The following ICAM2 variants were observed in gnomAD, a reference collection of about 807,000 sequenced individuals.
The protein encoded by ICAM2 is intercellular adhesion molecule 2, also known as ICAM-2.
Under a neutral mutation model 19.1 loss-of-function variants are expected in ICAM2, and 14 were observed. That is an observed-to-expected ratio of 0.73 (90% CI 0.48 to 1.15). ICAM2 has a LOEUF of 1.15. ICAM2 is among the 50% of genes most tolerant of loss of function. The pLI, the probability that ICAM2 is intolerant of heterozygous loss-of-function variation, is 0.00. For missense variants in ICAM2, 311 were observed against 355.4 expected (o/e 0.88, Z 1.00); for synonymous variants, 153 against 152.7 (o/e 1.00, Z -0.01).
intron 1 of ICAM2, among the ~76,000 whole-genome samples, chr17:64,008,713 C>T (rs750692184): frequency 2.6e-5 from 4 of 152,278 alleles, no homozygotes; most frequent in Non-Finnish European, 5.9e-5. Flanking sequence ...TCCCAGGAGA[C>T]CCTCAAGAGG....
intron 1 of ICAM2, among the ~76,000 whole-genome samples, chr17:64,018,671 GCTGT>G (rs1567851139): frequency 6.8e-6 from 1 of 147,572 alleles, no homozygotes; most frequent in African/African-American, 2.5e-5. Flanking sequence ...CCCTAGAAAC[GCTGT>G]CACACTAAGA....
In ICAM2 at chr17:64,002,931, G is replaced by A; in HGVS notation, c.650-6C>T. ...CTGGCTGTCCGACACAGGCTCTGGG[G>A]AGGGAGGGGGCAAGGGTCTTAGACG... On this transcript the variant is annotated splice_polypyrimidine_tract_variant and splice_region_variant and intron_variant, in intron 4 of 4. Transcript: ENST00000579788. 3 of 1,612,686 alleles carry A rather than the reference G, an allele frequency of 1.9e-6. No individual in the cohort carries two copies. Among genetic ancestry groups the A allele is most frequent in the Non-Finnish European group, 2.5e-6 (3 of 1,179,210 alleles).
intron 1 of ICAM2, among the ~76,000 whole-genome samples, chr17:64,018,671 G>T (rs1167290815): frequency 1.4e-5 from 2 of 147,572 alleles, no homozygotes; most frequent in Non-Finnish European, 3.0e-5. Context: ...CCCTAGAAAC[G>T]CTGTCACACT....
chr17:64,016,742 C>T (rs1484046404), intron 1 of ICAM2, among the ~76,000 whole-genome samples: 4 of 152,202 alleles, frequency 2.6e-5, no homozygotes, highest in East Asian at 1.9e-4. Context: ...TTTCCCTGCT[C>T]CTTCACCCCC....
At chr17:64,003,023 C>A in intron 4 of ICAM2, 98 bp from the exon 5 acceptor site, 1 of 1,063,578 alleles carries the variant, frequency 9.4e-7, no homozygotes, top group Non-Finnish European at 1.4e-6. Context: ...GACCCCCAGA[C>A]CCCGCCGCCC....
At chr17:64,018,459 A>G (rs1416297071) in intron 1 of ICAM2, among the ~76,000 whole-genome samples, 1 of 151,760 alleles carries the variant, frequency 6.6e-6, no homozygotes, top group East Asian at 1.9e-4. Context: ...TTACAATGGG[A>G]CCGATACTAT....
At chr17:64,004,793 G>A (rs561501350) in intron 3 of ICAM2, 7 of 457,780 alleles carry the variant, frequency 1.5e-5, no homozygotes, top group South Asian at 1.5e-4. Flanking sequence ...CCCACTACTT[G>A]GCATGGGACA....
intron 1 of ICAM2, among the ~76,000 whole-genome samples, chr17:64,018,081 G>A (rs1363865137): frequency 6.6e-6 from 1 of 151,976 alleles, no homozygotes; most frequent in Non-Finnish European, 1.5e-5. Flanking sequence ...CGGCTGTGAC[G>A]CCAGCACTTT....
chr17:64,018,066 G>A (rs1911782603), intron 1 of ICAM2, among the ~76,000 whole-genome samples: 1 of 151,952 alleles, frequency 6.6e-6, no homozygotes, highest in Non-Finnish European at 1.5e-5. Context: ...GAAACAGGTC[G>A]GGTGCGGCTG....
chr17:64,005,415 C>T (rs940380442), intron 2 of ICAM2, 42 bp from the exon 3 acceptor site: 1 of 1,592,084 alleles, frequency 6.3e-7, no homozygotes, highest in Non-Finnish European at 8.6e-7. Flanking sequence ...CATCCCCCCA[C>T]CCCCTGCCCT....
chr17:64,011,561 C>T (rs943742739), intron 1 of ICAM2, among the ~76,000 whole-genome samples: 1 of 152,106 alleles, frequency 6.6e-6, no homozygotes, highest in Non-Finnish European at 1.5e-5. Flanking sequence ...TGAGATATCA[C>T]TTCACACCTG....
At chr17:64,003,008 A>C in intron 4 of ICAM2, 83 bp from the exon 5 acceptor site, 2 of 1,348,614 alleles carry the variant, frequency 1.5e-6, no homozygotes, top group Non-Finnish European at 2.0e-6. Context: ...TCCACCCCCA[A>C]CCCAGACCCC....
chr17:64,007,999 C>A (rs1002406538), intron 1 of ICAM2, among the ~76,000 whole-genome samples: 4 of 152,096 alleles, frequency 2.6e-5, no homozygotes, highest in Non-Finnish European at 5.9e-5. Context: ...CCTGATGGGG[C>A]CTTTCCAAAG....
chr17:64,017,570 G>A (rs975302751), intron 1 of ICAM2, among the ~76,000 whole-genome samples: 6 of 152,108 alleles, frequency 3.9e-5, no homozygotes, highest in Non-Finnish European at 8.8e-5. Context: ...CCCCAGTAGG[G>A]TTTTTCATGG....
Position 64,002,924 on chromosome 17 carries a change from C to A in ICAM2, c.651G>T (p.Glu217Asp), listed in dbSNP as rs755716381. Residue 217 changes from glutamate (E) to aspartate (D), a missense_variant and splice_region_variant, in exon 5 of 5, where the codon GAG (glutamate) becomes GAT (aspartate). Physicochemically the swap from Glu to Asp is conservative, Grantham distance 45. Transcript: ENST00000579788. ...HSAPKMLEIYEPVSDSQMVII... is the reference protein window; with the variant it reads ...HSAPKMLEIYDPVSDSQMVII... ...TGACCATCTGGCTGTCCGACACAGG[C>A]TCTGGGGAGGGAGGGGGCAAGGGTC... is the stretch of plus-strand genomic sequence containing the variant. 2 of 1,612,150 alleles carry A rather than the reference C, an allele frequency of 1.2e-6. No homozygotes were observed. The highest frequency in any genetic ancestry group is 2.7e-5 in the African/African-American group (2 of 74,700).
intron 1 of ICAM2, among the ~76,000 whole-genome samples, chr17:64,018,051 A>G (rs1911782169): frequency 6.6e-6 from 1 of 152,192 alleles, no homozygotes; most frequent in Non-Finnish European, 1.5e-5. Context: ...TGACTAAGAT[A>G]CAAAGAAACA....
intron 1 of ICAM2, among the ~76,000 whole-genome samples, chr17:64,014,676 AGAAAGGAAGGAAGGAAGGAAGG>A (rs1911629846): frequency 1.4e-5 from 1 of 71,676 alleles, no homozygotes; most frequent in South Asian, 6.1e-4. Context: ...AGAGAAAGAA[AGAAAGGAAGGAAGGAAGGAAGG>A]AAGGAAGGAA....
intron 1 of ICAM2, among the ~76,000 whole-genome samples, chr17:64,016,243 G>A (rs574082439): frequency 6.6e-6 from 1 of 152,288 alleles, no homozygotes; most frequent in African/African-American, 2.4e-5. Flanking sequence ...TCTCAGGTTT[G>A]CAAGGATGGT....
intron 1 of ICAM2, among the ~76,000 whole-genome samples, chr17:64,020,006 C>T (rs1911884121): frequency 6.6e-6 from 1 of 151,842 alleles, no homozygotes; most frequent in Non-Finnish European, 1.5e-5. Flanking sequence ...GGAAAAAGGG[C>T]CTTTCTACGT....
Sources: allele counts gnomAD v4.1 joint callset (sites outside exome capture counted in the v4.1 genomes callset), GRCh38; gene constraint gnomAD v4.1.1; transcripts MANE v1.5; gene names NCBI Gene and HGNC (gene_info 2026-07-23, HGNC 2026-07-21).